The following NDUFS1 variants were observed in gnomAD, a reference collection of about 807,000 sequenced individuals.
NDUFS1 encodes the protein NADH:ubiquinone oxidoreductase core subunit S1.
Under a neutral mutation model 84.4 loss-of-function variants are expected in NDUFS1, and 61 were observed. The ratio of observed to expected loss-of-function variants is 0.72; its 90% CI spans 0.59 to 0.89. NDUFS1 has a LOEUF of 0.89. Ranked by LOEUF, NDUFS1 falls within the 40% of genes least tolerant of loss-of-function variation. The pLI, the probability that NDUFS1 is intolerant of heterozygous loss-of-function variation, is 0.00. For synonymous variants in NDUFS1, 275 were observed against 290.0 expected, an observed-to-expected ratio of 0.95 and a Z score of 0.53; for missense variants, 891 against 890.0, an observed-to-expected ratio of 1.00 and a Z score of -0.01.
rs1449138046 is a variant in NDUFS1, at chr2:206,117,252, C to T, written c.*6933G>A. 6.6e-6 allele frequency: 1 copy of T among 152,188 alleles called. No homozygotes were observed. Among genetic ancestry groups the T allele is most frequent in the African/African-American group, 2.4e-5 (1 of 41,448 alleles). 9.4% of individuals were successfully genotyped at this position (152,188 alleles called of 1,614,324 possible). On this transcript the variant is annotated 3_prime_UTR_variant, in exon 19 of 19. Transcript: ENST00000233190. ...TCTGTTTTAACAGCAGAAACAAAGA[C>T]AACTAGACATGCCCACTGTGTTATG...
At chr2:206,155,920 A>C (rs1276409793) in intron 1 of NDUFS1, among the ~76,000 whole-genome samples, 1 of 151,902 alleles carries the variant, frequency 6.6e-6, no homozygotes, top group Admixed American at 6.6e-5. Context: ...ATATAGGCTA[A>C]GCACTGAACT....
chr2:206,136,306 C>A (rs1163930821), intron 13 of NDUFS1, among the ~76,000 whole-genome samples: 1 of 151,506 alleles, frequency 6.6e-6, no homozygotes, highest in Non-Finnish European at 1.5e-5. Context: ...CCCGCCTCAG[C>A]CTCCCAAAGT....
In NDUFS1 at chr2:206,126,842, A is replaced by G; in HGVS notation, c.1887T>C (p.Ile629=). ...DWKIIRALSE[I]AGMTLPYDTL... is the part of the protein sequence containing the mutation. ...TATCATATGGAAGAGTCATTCCAGC[A>G]ATCTACAACATGTCAGGTCCCCAAA... The change falls in exon 17 of 19, where the codon ATT becomes ATC. Residue 629 remains isoleucine, a splice_region_variant and synonymous_variant. Coordinates refer to ENST00000233190, the MANE Select transcript of NDUFS1 (RefSeq NM_005006.7). 1 of 1,614,126 alleles carries G rather than the reference A, an allele frequency of 6.2e-7. No homozygotes were observed. The highest frequency in any genetic ancestry group is 8.5e-7 in the Non-Finnish European group (1 of 1,180,022).
intron 15 of NDUFS1, among the ~76,000 whole-genome samples, chr2:206,129,141 T>C (rs1691407991): frequency 6.6e-6 from 1 of 152,166 alleles, no homozygotes. Context: ...GAATAATATA[T>C]AGTTTAATAT....
At position 206,143,948 on chromosome 2, in the gene NDUFS1, C is replaced by CT. The variant is rs1003372980; in HGVS notation, c.987+69_987+70insA. ...TAAAAAAGGGAAGAAATATACATCC[C>CT]CCCCTTCATGGCAAAGATGTTTCTT... On this transcript the variant is annotated intron_variant, in intron 10 of 18. Transcript: ENST00000233190. 592 of 1,210,008 alleles carry CT rather than the reference C, an allele frequency of 4.9e-4. 7 individuals are homozygous for CT. Among genetic ancestry groups the CT allele is most frequent in the East Asian group, 2.5e-3 (108 of 42,592 alleles). 75.0% of individuals were successfully genotyped at this position (1,210,008 alleles called of 1,614,324 possible).
intron 13 of NDUFS1, 64 bp from the exon 14 acceptor site, chr2:206,133,169 A>G: frequency 7.4e-7 from 1 of 1,360,012 alleles, no homozygotes; most frequent in Admixed American, 2.2e-5. Context: ...ACCAAACCAT[A>G]TTTGCCTCTA....
chr2:206,140,567 G>A lies in NDUFS1; in HGVS notation c.1262+1374C>T, dbSNP rs992454201. ...ATGATCTTGGCTCACCACAACCTTC[G>A]CTTCCCAGGTTCAAGCGATTCTTCT... On this transcript the variant is annotated intron_variant, in intron 12 of 18. Transcript: ENST00000233190. 9.9e-5 allele frequency among the ~76,000 whole-genome samples: 15 copies of A among 152,112 alleles called. No individual in the cohort carries two copies. In the South Asian group the frequency reaches 2.3e-3, roughly 23 times the overall value.
rs1692100890 is a variant in NDUFS1 at position 206,144,949 on chromosome 2, C to T, written c.815G>A (p.Arg272Lys). The T allele has an allele frequency of 6.2e-7, 1 of 1,614,040 alleles. No individual in the cohort carries two copies. Among genetic ancestry groups the T allele is most frequent in the South Asian group, 1.1e-5 (1 of 91,076 alleles). ...VVSTRTGEVMRILPRMHEDIN... is the reference protein window; with the variant it reads ...VVSTRTGEVMKILPRMHEDIN... ...GTCCTCATGCATACGTGGCAAAATC[C>T]TCATCACTTCTCCAGTTCTTGTGCT... The change falls in exon 9 of 19, where the codon AGG becomes AAG. Residue 272 changes from arginine (R) to lysine (K), a missense_variant. Arg to Lys is a conservative substitution (Grantham distance 26). Coordinates refer to ENST00000233190, the MANE Select transcript of NDUFS1 (RefSeq NM_005006.7).
At chr2:206,142,629 A>C (rs1000926462) in intron 11 of NDUFS1, 57 bp downstream of exon 11, 1 of 1,604,008 alleles carries the variant, frequency 6.2e-7, no homozygotes, top group African/African-American at 1.3e-5. Context: ...CATTTTATAC[A>C]TAACTTGTAA....
intron 1 of NDUFS1, among the ~76,000 whole-genome samples, chr2:206,155,608 G>C (rs1168839270): frequency 6.6e-6 from 1 of 151,806 alleles, no homozygotes; most frequent in Non-Finnish European, 1.5e-5. Context: ...AGTAGAGACA[G>C]GGTTTCGCCA....
At chr2:206,125,550 T>C (rs1201197870) in intron 18 of NDUFS1, among the ~76,000 whole-genome samples, 4 of 150,864 alleles carry the variant, frequency 2.7e-5, no homozygotes, top group Non-Finnish European at 5.9e-5. Context: ...ATATAATATA[T>C]ATGTGTATAA....
At chr2:206,128,481 G>C (rs1000284923) in intron 15 of NDUFS1, among the ~76,000 whole-genome samples, 1 of 150,124 alleles carries the variant, frequency 6.7e-6, no homozygotes, top group Non-Finnish European at 1.5e-5. Context: ...GAAAATTATT[G>C]TTAAAGCATT....
At position 206,152,401 on chromosome 2, in the gene NDUFS1, G is replaced by A. The variant is rs1387866438; in HGVS notation, c.153+18C>T. 6.3e-7 allele frequency: 1 copy of A among 1,598,384 alleles called. No homozygotes were observed. The highest frequency in any genetic ancestry group is 1.1e-5 in the South Asian group (1 of 90,728). On this transcript the variant is annotated intron_variant, in intron 3 of 18. Transcript: ENST00000233190. ...AAAATCAGAACACACACACAAAATAGTTAGAATGTATGCCTACTTGGAGGA... is the reference window on the plus strand; with the variant it reads ...AAAATCAGAACACACACACAAAATAATTAGAATGTATGCCTACTTGGAGGA...
At chr2:206,145,687 T>C (rs1559058372) in intron 8 of NDUFS1, among the ~76,000 whole-genome samples, 1 of 152,186 alleles carries the variant, frequency 6.6e-6, no homozygotes, top group Non-Finnish European at 1.5e-5. Context: ...GAAGCTTTTA[T>C]GCACTGAAAA....
intron 18 of NDUFS1, among the ~76,000 whole-genome samples, chr2:206,125,344 C>A (rs1034983239): frequency 1.3e-5 from 2 of 151,894 alleles, no homozygotes; most frequent in Non-Finnish European, 2.9e-5. Context: ...CGCCTATAGT[C>A]CTAGCTACCG....
intron 12 of NDUFS1, among the ~76,000 whole-genome samples, chr2:206,140,878 A>T (rs1691910382): frequency 6.6e-6 from 1 of 150,974 alleles, no homozygotes; most frequent in Admixed American, 6.6e-5. Context: ...AAACTTCCAA[A>T]TGATTCAGAA....
Position 206,133,105 on chromosome 2 carries a change from C to T in NDUFS1, c.1393G>A (p.Val465Ile), listed in dbSNP as rs777102927. Residue 465 changes from valine to isoleucine, a missense_variant and splice_region_variant, in exon 14 of 19, where the codon GTC becomes ATC. Val to Ile is a conservative substitution (Grantham distance 29). Transcript: ENST00000233190. ...IASGSHPFSQVLKEAKKPMVV... is the reference protein window; with the variant it reads ...IASGSHPFSQILKEAKKPMVV... ...ATTGGTTTTTTAGCTTCCTTTAGGA[C>T]CTATTTAAAAAAAAAAACAACTTTG... The T allele has an allele frequency of 6.9e-6, 11 of 1,598,332 alleles. No homozygotes were observed. The highest frequency in any genetic ancestry group is 8.5e-6 in the Non-Finnish European group (10 of 1,172,712).
chr2:206,155,173 C>G lies in NDUFS1; in HGVS notation c.-4-1491G>C, dbSNP rs145360970. On this transcript the variant is annotated intron_variant, in intron 1 of 18. Coordinates refer to ENST00000233190, the MANE Select transcript of NDUFS1 (RefSeq NM_005006.7). ...CCGCTCTGTTGCCCAGGCTGGAGTGCTGTGGCGCGATCTCAGCTCACTGCA... is the reference window on the plus strand; with the variant it reads ...CCGCTCTGTTGCCCAGGCTGGAGTGGTGTGGCGCGATCTCAGCTCACTGCA... Among the ~76,000 whole-genome samples the G allele has an allele frequency of 9.7e-3, 1,479 of 152,196 alleles. 16 individuals carry two copies. The highest frequency in any genetic ancestry group is 0.021 in the Middle Eastern group (6 of 292).
At chr2:206,145,739 C>G (rs1692129472) in intron 8 of NDUFS1, among the ~76,000 whole-genome samples, 1 of 152,286 alleles carries the variant, frequency 6.6e-6, no homozygotes, top group South Asian at 2.1e-4. Context: ...CTCCTCTCCA[C>G]CCCCTCAAAA....
Sources: gnomAD v4.1 joint callset for allele counts (sites outside exome capture counted in the v4.1 genomes callset) on GRCh38, gnomAD v4.1.1 for gene constraint, MANE v1.5 for transcripts, NCBI Gene and HGNC (gene_info 2026-07-23, HGNC 2026-07-21) for gene names.